TMEM51: variants seen among roughly 807,000 people sequenced by gnomAD.
TMEM51 encodes the protein transmembrane protein 51.
TMEM51 carries 8 observed loss-of-function variants against 13.6 expected under a neutral mutation model. The ratio of observed to expected loss-of-function variants is 0.59; its 90% confidence interval spans 0.35 to 1.07. The LOEUF is 1.07. Among genes scored for constraint, TMEM51 ranks in the 50% least tolerant of loss-of-function variants. TMEM51 has a pLI of 0.02. For synonymous variants in TMEM51, 147 were observed against 144.4 expected (o/e 1.02, Z -0.13); for missense variants, 279 against 330.7 (o/e 0.84, Z 1.21).
Position 15,219,758 on chromosome 1 carries a change from G to A in TMEM51, c.*15G>A, listed in dbSNP as rs747793439. 4.3e-6 allele frequency: 7 copies of A among 1,609,866 alleles called. 1 individual carries two copies. The Middle Eastern group carries it at 5.0e-4, about 116-fold the overall frequency. On this transcript the variant is annotated 3_prime_UTR_variant, in exon 4 of 4. Transcript: ENST00000376008. The stretch of plus-strand genomic sequence containing the variant: ...CGCCCGACTGAATGGCCCCACTTGA[G>A]CCACGCTCCCTCCTGTCTCTCACAC...
intron 1 of TMEM51, among the ~76,000 whole-genome samples, chr1:15,185,457 G>A (rs564504265): frequency 2.6e-5 from 4 of 152,314 alleles, no homozygotes; most frequent in African/African-American, 9.6e-5. Flanking sequence ...TGTACAGGTG[G>A]GAAAACTGAG....
chr1:15,177,044 G>A (rs1643475711), intron 1 of TMEM51, among the ~76,000 whole-genome samples: 1 of 152,156 alleles, frequency 6.6e-6, no homozygotes, highest in African/African-American at 2.4e-5. Flanking sequence ...AGAGAGTCTG[G>A]CCAGATGGGA....
At position 15,215,347 on chromosome 1, in the gene TMEM51, A is replaced by T. The variant is rs768248312; in HGVS notation, c.260A>T (p.Asp87Val). 1 of 1,613,804 alleles carries T rather than the reference A, an allele frequency of 6.2e-7. No homozygotes were observed. The highest frequency in any genetic ancestry group is 2.2e-5 in the East Asian group (1 of 44,888). The part of the protein sequence containing the change: ...LLLSICLSIR[D>V]KRKQRQGEDL... ...CTTTCTATCTGCCTGAGTATCAGGG[A>T]TAAGAGGAAGCAGCGGCAGGGCGAG... The change falls in exon 3 of 4, where the codon GAT (aspartate) becomes GTT (valine). Residue 87 changes from aspartate (D) to valine (V), a missense_variant. Physicochemically the swap from Asp to Val is radical, Grantham distance 152. Transcript: ENST00000376008.
At chr1:15,180,578 T>G (rs1643585522) in intron 1 of TMEM51, among the ~76,000 whole-genome samples, 1 of 152,220 alleles carries the variant, frequency 6.6e-6, no homozygotes, top group Non-Finnish European at 1.5e-5. Flanking sequence ...TTTAATTATA[T>G]GAGCGGATGC....
At chr1:15,152,898 G>A (rs1451275663), upstream of TMEM51, 2 of 152,254 alleles carry the variant, frequency 1.3e-5, no homozygotes, top group Non-Finnish European at 2.9e-5. Context: ...GCCACTCGCA[G>A]GCTGGGAAAA....
intron 1 of TMEM51, among the ~76,000 whole-genome samples, chr1:15,202,575 G>A (rs1252264086): frequency 6.6e-6 from 1 of 151,970 alleles, no homozygotes; most frequent in Admixed American, 6.6e-5. Context: ...TGCATCCCTG[G>A]ACTTGTGACT....
At chr1:15,153,563 A>T (rs1479543238), upstream of TMEM51, among the ~76,000 whole-genome samples, 4 of 151,940 alleles carry the variant, frequency 2.6e-5, no homozygotes, top group Admixed American at 6.5e-5. Context: ...CTCCAGCGGC[A>T]TACGCTGGGG....
At chr1:15,174,553 C>T (rs946461883) in intron 1 of TMEM51, among the ~76,000 whole-genome samples, 1 of 152,152 alleles carries the variant, frequency 6.6e-6, no homozygotes, top group Non-Finnish European at 1.5e-5. Flanking sequence ...CCCTCATTTT[C>T]CTATATCGGT....
chr1:15,219,168 T>C (rs562333834), intron 3 of TMEM51, among the ~76,000 whole-genome samples, 158 bp from the exon 4 acceptor site: 1 of 152,372 alleles, frequency 6.6e-6, no homozygotes, highest in African/African-American at 2.4e-5. Context: ...GGAGCCCAGC[T>C]CATAGTAAAC....
At chr1:15,194,871 A>C (rs904440152) in intron 1 of TMEM51, among the ~76,000 whole-genome samples, 4 of 151,748 alleles carry the variant, frequency 2.6e-5, no homozygotes. Context: ...CACCTGCAGC[A>C]ACACTATCCA....
At position 15,193,212 on chromosome 1, in the gene TMEM51, T is replaced by C. The variant is rs112542548; in HGVS notation, c.-266-17278T>C. Among the ~76,000 whole-genome samples, 1,260 of 152,334 alleles carry C rather than the reference T, an allele frequency of 8.3e-3. 20 individuals carry two copies. Among genetic ancestry groups the C allele is most frequent in the African/African-American group, 0.028 (1,153 of 41,576 alleles). On this transcript the variant is annotated intron_variant, in intron 1 of 3. Coordinates refer to ENST00000376008, the MANE Select transcript of TMEM51 (RefSeq NM_001136218.2). ...AATTAGAGCCATTCCAGGTGACCCA[T>C]GGAGGTACCTCTCCTAGTCCCCAGT...
At chr1:15,200,914 A>C (rs746078047) in intron 1 of TMEM51, among the ~76,000 whole-genome samples, 5 of 152,042 alleles carry the variant, frequency 3.3e-5, no homozygotes, top group Non-Finnish European at 7.4e-5. Context: ...AGTTTCTGTC[A>C]GCCGCAGCAC....
intron 1 of TMEM51, among the ~76,000 whole-genome samples, chr1:15,195,285 CAAAG>C (rs1329200117): frequency 6.6e-6 from 1 of 151,972 alleles, no homozygotes; most frequent in African/African-American, 2.4e-5. Context: ...TATAAAAGGA[CAAAG>C]AAACAGGAAA....
chr1:15,217,870 A>C (rs12057512), intron 3 of TMEM51, among the ~76,000 whole-genome samples: 25,816 of 152,226 alleles, frequency 0.17, 2,312 homozygotes, highest in East Asian at 0.3. Context: ...AGTGTTTAAT[A>C]TGGGCAACCA....
At chr1:15,214,299 G>T (rs1407235589) in intron 2 of TMEM51, among the ~76,000 whole-genome samples, 2 of 152,160 alleles carry the variant, frequency 1.3e-5, no homozygotes, top group Non-Finnish European at 2.9e-5. Context: ...TCTGGAGGGT[G>T]GTTGGGGGTG....
chr1:15,197,898 C>T (rs1362091566), intron 1 of TMEM51, among the ~76,000 whole-genome samples: 2 of 151,020 alleles, frequency 1.3e-5, no homozygotes, highest in African/African-American at 4.9e-5. Flanking sequence ...ACCTTTCCTC[C>T]CACAACCGTG....
At chr1:15,155,861 C>A (rs1642574453) in intron 1 of TMEM51, among the ~76,000 whole-genome samples, 1 of 152,208 alleles carries the variant, frequency 6.6e-6, no homozygotes, top group Non-Finnish European at 1.5e-5. Context: ...AAAGACGTCC[C>A]TTTCATTCAA....
At chr1:15,170,977 C>T (rs546220201) in intron 1 of TMEM51, among the ~76,000 whole-genome samples, 1 of 152,218 alleles carries the variant, frequency 6.6e-6, no homozygotes, top group South Asian at 2.1e-4. Flanking sequence ...ATCCGCCCGC[C>T]TCGGCCTCCC....
At chr1:15,205,096 C>CT (rs1644226105) in intron 1 of TMEM51, among the ~76,000 whole-genome samples, 1 of 152,180 alleles carries the variant, frequency 6.6e-6, no homozygotes, top group African/African-American at 2.4e-5. Context: ...TGCCAGCCTT[C>CT]TAAATAAGGC....
Sources: allele counts gnomAD v4.1 joint callset (sites outside exome capture counted in the v4.1 genomes callset), GRCh38; gene constraint gnomAD v4.1.1; transcripts MANE v1.5; gene names NCBI Gene and HGNC (gene_info 2026-07-23, HGNC 2026-07-21).